Variants in DYNC2H1 observed in about 807,000 individuals in gnomAD.
The protein encoded by DYNC2H1 is cytoplasmic dynein 2 heavy chain 1.
DYNC2H1 carries 410 observed loss-of-function variants against 570.0 expected under a neutral mutation model. That is an observed-to-expected ratio of 0.72 (90% CI 0.66 to 0.78). The LOEUF (loss-of-function observed/expected upper bound fraction) is 0.78, where lower values mean the gene tolerates loss of function less well. Among genes scored for constraint, DYNC2H1 ranks in the 30% least tolerant of loss-of-function variants. The probability of loss-of-function intolerance (pLI) is 0.00; values close to 1 mark genes in which losing one functional copy is unlikely to be tolerated. For missense variants in DYNC2H1, 4,865 were observed against 5,046.4 expected, an observed-to-expected ratio of 0.96 and a Z score of 1.09; for synonymous variants, 1,688 against 1,677.6, an observed-to-expected ratio of 1.01 and a Z score of -0.15.
rs545506784 is a variant in DYNC2H1, at chr11:103,258,902, T to A, written c.10606-986T>A. On this transcript the variant is annotated intron_variant, in intron 69 of 88. Transcript: ENST00000375735. The stretch of plus-strand genomic sequence containing the variant: ...AGGAAATCCAAGTCTCAATTTCATA[T>A]GTGATCTTTGTTAACATATAGTGAA... Among the ~76,000 whole-genome samples, 42 of 152,348 alleles carry A rather than the reference T, an allele frequency of 2.8e-4. 1 individual carries two copies. The South Asian group carries it at 6.8e-3, about 25-fold the overall frequency.
intron 17 of DYNC2H1, among the ~76,000 whole-genome samples, chr11:103,141,575 G>A (rs945353885): frequency 1.3e-5 from 2 of 152,224 alleles, no homozygotes; most frequent in Non-Finnish European, 2.9e-5. Flanking sequence ...TTTTGTCTCA[G>A]AGGAGTACCC....
chr11:103,176,506 C>T, intron 37 of DYNC2H1, 72 bp downstream of exon 37: 2 of 1,180,038 alleles, frequency 1.7e-6, no homozygotes, highest in Non-Finnish European at 2.2e-6. Context: ...TATCCTTGTC[C>T]TTCATCTTTC....
At chr11:103,154,879 C>G (rs1860741662) in intron 24 of DYNC2H1, 70 bp downstream of exon 24, 1 of 1,111,364 alleles carries the variant, frequency 9.0e-7, no homozygotes, top group African/African-American at 1.6e-5. Context: ...AGTGACTGAA[C>G]TATATAATTT....
chr11:103,158,776 A>G lies in DYNC2H1; in HGVS notation c.4227A>G (p.Gln1409=). Residue 1409 remains glutamine (Q), a synonymous_variant, in exon 27 of 89, where the codon CAA becomes CAG. Coordinates refer to ENST00000375735, the MANE Select transcript of DYNC2H1 (RefSeq NM_001377.3). ...TACTAACAATACTTGATCAGCTTCA[A>G]AGATGTCAGAAATCATTAAATGAAT... ...NSLLTILDQL[Q]RCQKSLNEFL... The G allele has an allele frequency of 3.4e-6, 5 of 1,489,054 alleles. No homozygotes were observed. Among genetic ancestry groups the G allele is most frequent in the Non-Finnish European group, 4.5e-6 (5 of 1,106,808 alleles). 92.2% of individuals were successfully genotyped at this position (1,489,054 alleles called of 1,614,324 possible).
chr11:103,318,934 A>C (rs969659453), intron 80 of DYNC2H1, among the ~76,000 whole-genome samples: 2 of 152,114 alleles, frequency 1.3e-5, no homozygotes, highest in Non-Finnish European at 2.9e-5. Context: ...ACTTTCCTGC[A>C]CTACGTGAAC....
intron 70 of DYNC2H1, among the ~76,000 whole-genome samples, chr11:103,271,962 T>C (rs1040246856): frequency 8.5e-5 from 13 of 152,218 alleles, no homozygotes; most frequent in African/African-American, 2.7e-4. Context: ...GGAATGCTTT[T>C]ACACTGTTGG....
chr11:103,329,437 G>A (rs1180328255), intron 82 of DYNC2H1, among the ~76,000 whole-genome samples: 2 of 152,120 alleles, frequency 1.3e-5, no homozygotes, highest in African/African-American at 2.4e-5. Context: ...TCTAATTGCA[G>A]TAGTTTGGGA....
At chr11:103,298,122 A>C (rs1448910368) in intron 75 of DYNC2H1, among the ~76,000 whole-genome samples, 1 of 152,080 alleles carries the variant, frequency 6.6e-6, no homozygotes, top group African/African-American at 2.4e-5. Flanking sequence ...CAGAATCCTT[A>C]TAATGTCCTA....
chr11:103,475,687 G>A (rs1341639816), intron 88 of DYNC2H1, among the ~76,000 whole-genome samples: 2 of 152,114 alleles, frequency 1.3e-5, no homozygotes, highest in African/African-American at 4.8e-5. Context: ...AGAAAGATTT[G>A]TACCCTGGCT....
chr11:103,380,082 A>G (rs1941576145), intron 83 of DYNC2H1, among the ~76,000 whole-genome samples: 1 of 152,234 alleles, frequency 6.6e-6, no homozygotes, highest in Non-Finnish European at 1.5e-5. Flanking sequence ...AACTTAATAG[A>G]ATAATTACAC....
Position 103,231,240 on chromosome 11 carries a change from A to C in DYNC2H1, c.9354-20A>C. ...ATATCTAAAATAGAATGACTTGTATAATATTGAGTTATATTTTAGGAATCT... is the reference window on the plus strand; with the variant it reads ...ATATCTAAAATAGAATGACTTGTATCATATTGAGTTATATTTTAGGAATCT... On this transcript the variant is annotated intron_variant, in intron 59 of 88. Transcript: ENST00000375735. 1 of 1,463,238 alleles carries C rather than the reference A, an allele frequency of 6.8e-7. No individual in the cohort carries two copies. Among genetic ancestry groups the C allele is most frequent in the Non-Finnish European group, 9.5e-7 (1 of 1,057,610 alleles). The allele number at this position is 1,463,238 out of a possible 1,614,324, so 90.6% of individuals were successfully genotyped here. A position where few individuals can be genotyped will look rare whatever the true frequency, so the allele number is the denominator to read the frequency against.
At chr11:103,339,038 C>G (rs947580399) in intron 82 of DYNC2H1, among the ~76,000 whole-genome samples, 3 of 152,150 alleles carry the variant, frequency 2.0e-5, no homozygotes, top group African/African-American at 7.2e-5. Flanking sequence ...TTTAGCATTA[C>G]CAGGTGCCCT....
Position 103,439,735 on chromosome 11 carries a change from TA to T in DYNC2H1, c.12456+3713del, listed in dbSNP as rs200366681. On this transcript the variant is annotated intron_variant, in intron 85 of 88. Transcript: ENST00000375735. This position sits in a 1 kb window ranked among gnomAD's most constrained non-coding sequence, Gnocchi z 4.1. ...GTAAGATCCTTTAGAGCAAAGATCT[TA>T]AAAAAAAAATTCCACTATATTTCCA... Among the ~76,000 whole-genome samples the T allele has an allele frequency of 1.2e-4, 18 of 150,168 alleles. No individual in the cohort carries two copies. Among genetic ancestry groups the T allele is most frequent in the East Asian group, 5.8e-4 (3 of 5,130 alleles).
Position 103,113,651 on chromosome 11 carries a change from C to T in DYNC2H1, c.310C>T (p.Pro104Ser). Residue 104 changes from proline (P) to serine (S), a missense_variant, in exon 2 of 89, where the codon CCT becomes TCT. By Grantham distance (74) the Pro-to-Ser change is moderately conservative. This residue lies in a region of DYNC2H1 where 1,936 missense variants were observed against 1,962.1 expected (regional missense o/e 0.99). Transcript: ENST00000375735. ...TCTTGTTTCATCTATGTTAGAGTCA[C>T]CTATTAGTTCTCTTTACCAAGCAGT... The part of the protein sequence containing the change: ...NILVSSMLES[P>S]ISSLYQAVRQ... 6.4e-7 allele frequency: 1 copy of T among 1,570,642 alleles called. No homozygotes were observed. Among genetic ancestry groups the T allele is most frequent in the Non-Finnish European group, 8.6e-7 (1 of 1,164,950 alleles).
At position 103,435,018 on chromosome 11, in the gene DYNC2H1, G is replaced by A. The variant is rs181820304; in HGVS notation, c.12367-925G>A. On this transcript the variant is annotated intron_variant, in intron 84 of 88. Coordinates refer to ENST00000375735, the MANE Select transcript of DYNC2H1 (RefSeq NM_001377.3). Reference sequence around the variant, plus strand: ...GCAAAGTGTCAAAGGATTTGCAGTTGTGTTTCAAAATCACTACACCTGTTT... The same window carrying A: ...GCAAAGTGTCAAAGGATTTGCAGTTATGTTTCAAAATCACTACACCTGTTT... Among the ~76,000 whole-genome samples, 524 of 152,252 alleles carry A rather than the reference G, an allele frequency of 3.4e-3. 6 individuals are homozygous for A. The highest frequency in any genetic ancestry group is 0.012 in the African/African-American group (481 of 41,558).
Position 103,181,712 on chromosome 11 carries a change from A to T in DYNC2H1, c.6348-45A>T. 6.8e-7 allele frequency: 1 copy of T among 1,480,664 alleles called. No homozygotes were observed. Among genetic ancestry groups the T allele is most frequent in the Non-Finnish European group, 9.1e-7 (1 of 1,104,768 alleles). 91.7% of individuals were successfully genotyped at this position (1,480,664 alleles called of 1,614,324 possible). ...AAGAAATTTATTTTAATGTAAATTG[A>T]TAATTTCTTCCTAAGTAATTTTTTA... On this transcript the variant is annotated intron_variant, in intron 39 of 88. Transcript: ENST00000375735. The surrounding 1 kb of genome is among the most constrained non-coding windows in gnomAD (Gnocchi z 5.0).
In DYNC2H1 at chr11:103,139,419, G is replaced by C. The variant is rs976238956; in HGVS notation, c.2574+3471G>C. On this transcript the variant is annotated intron_variant, in intron 17 of 88. Coordinates refer to ENST00000375735, the MANE Select transcript of DYNC2H1 (RefSeq NM_001377.3). ...AGAGATTCTGGTATGTTGTGTCTTT[G>C]TTCTCGTTGGTTTCAAAGAACATCT... 7.0e-3 allele frequency among the ~76,000 whole-genome samples: 1,060 copies of C among 151,716 alleles called. 9 individuals carry two copies. The highest frequency in any genetic ancestry group is 0.024 in the African/African-American group (999 of 41,362).
At position 103,369,277 on chromosome 11, in the gene DYNC2H1, A is replaced by G. The variant is rs138394096; in HGVS notation, c.12156+10918A>G. 1.3e-3 allele frequency among the ~76,000 whole-genome samples: 198 copies of G among 152,314 alleles called. No individual in the cohort carries two copies. Among genetic ancestry groups the G allele is most frequent in the African/African-American group, 4.5e-3 (187 of 41,570 alleles). On this transcript the variant is annotated intron_variant, in intron 83 of 88. Transcript: ENST00000375735. This position sits in a 1 kb window ranked among gnomAD's most constrained non-coding sequence, Gnocchi z 4.0. ...AGGATAATTTAAACCAGCCCTAACC[A>G]GAGAGGATTCCCAGATGCTGGCGGC...
At position 103,192,114 on chromosome 11, in the gene DYNC2H1, C is replaced by G. The variant is rs375116927; in HGVS notation, c.7558C>G (p.Leu2520Val). The change falls in exon 47 of 89, where the codon CTA becomes GTA. Residue 2520 changes from leucine to valine, a missense_variant. Coordinates refer to ENST00000375735, the MANE Select transcript of DYNC2H1 (RefSeq NM_001377.3). ...TTTTCTAGGATCCTCAAACCATCCA[C>G]TAGATTATGTGTTAGAAATTGTAGC... ...DLEGGSSNHPLDYVLEIVAYE... is the reference protein window; with the variant it reads ...DLEGGSSNHPVDYVLEIVAYE... 86 of 1,522,950 alleles carry G rather than the reference C, an allele frequency of 5.6e-5. No individual in the cohort carries two copies. Among genetic ancestry groups the G allele is most frequent in the Non-Finnish European group, 6.7e-5 (76 of 1,128,652 alleles). The allele number at this position is 1,522,950 out of a possible 1,614,324, so 94.3% of individuals were successfully genotyped here. A position where few individuals can be genotyped will look rare whatever the true frequency, so the allele number is the denominator to read the frequency against.
Sources: allele counts gnomAD v4.1 joint callset (sites outside exome capture counted in the v4.1 genomes callset), GRCh38; gene constraint gnomAD v4.1.1; regional missense constraint gnomAD v4.1.1; non-coding constraint Gnocchi (gnomAD v3.1); transcripts MANE v1.5; gene names NCBI Gene and HGNC (gene_info 2026-07-23, HGNC 2026-07-21).